Variants in SASH1 observed in about 807,000 individuals in gnomAD.
SASH1 encodes SAM and SH3 domain containing 1.
A neutral mutation model predicts 125.2 loss-of-function variants in SASH1; 44 were observed. That is an observed-to-expected ratio of 0.35 (90% CI 0.28 to 0.45). SASH1 has a LOEUF of 0.45. Ranked by LOEUF, SASH1 falls within the 20% of genes least tolerant of loss-of-function variation. SASH1 has a pLI of 1.00. For missense variants in SASH1, 1,426 were observed against 1,614.5 expected, an observed-to-expected ratio of 0.88 and a Z score of 2.00; for synonymous variants, 639 against 649.1, an observed-to-expected ratio of 0.98 and a Z score of 0.24.
At chr6:148,414,869 C>T (rs1222175282) in intron 2 of SASH1, among the ~76,000 whole-genome samples, 2 of 152,090 alleles carry the variant, frequency 1.3e-5, no homozygotes, top group African/African-American at 4.8e-5. Context: ...GTCTTGAACT[C>T]CTGACCTTAA....
intron 1 of SASH1, among the ~76,000 whole-genome samples, chr6:148,382,085 C>G (rs1296410490): frequency 1.3e-5 from 2 of 152,100 alleles, no homozygotes; most frequent in Non-Finnish European, 2.9e-5. Context: ...ACAAAAGACA[C>G]CTTGTGTGAG....
At chr6:148,211,170 T>TAATA in the SASH1 span, among the ~76,000 whole-genome samples, 8 of 152,232 alleles carry the variant, frequency 5.3e-5, no homozygotes, top group Non-Finnish European at 1.2e-4. Context: ...AACAGTTTAT[T>TAATA]ACCTGTCTGC....
intron 1 of SASH1, among the ~76,000 whole-genome samples, chr6:148,350,135 G>A (rs369327083): frequency 6.6e-6 from 1 of 152,028 alleles, no homozygotes; most frequent in African/African-American, 2.4e-5. Flanking sequence ...GTGAGCCACC[G>A]CGCCCGGCAG....
intron 2 of SASH1, among the ~76,000 whole-genome samples, chr6:148,415,094 T>C (rs1003096591): frequency 1.3e-5 from 2 of 152,234 alleles, no homozygotes; most frequent in African/African-American, 4.8e-5. Flanking sequence ...TATTTTCTTA[T>C]TTTTATGATG....
the SASH1 span, among the ~76,000 whole-genome samples, chr6:148,216,534 G>A: frequency 6.6e-6 from 1 of 152,136 alleles, no homozygotes; most frequent in African/African-American, 2.4e-5. Context: ...CTGGAGTCAG[G>A]ACATGTGGGT....
rs73585694 is a variant in SASH1 at position 148,474,660 on chromosome 6, C to T, written c.627+438C>T. On this transcript the variant is annotated intron_variant, in intron 7 of 19. Transcript: ENST00000367467. ...AATCACAACTCACAGCAGCCTCAAC[C>T]TCCTGGGTCCAAGTAATCCTCCCAT... Among the ~76,000 whole-genome samples, 1,420 of 152,300 alleles carry T rather than the reference C, an allele frequency of 9.3e-3. 17 individuals carry two copies. Among genetic ancestry groups the T allele is most frequent in the African/African-American group, 0.032 (1,348 of 41,560 alleles).
chr6:148,490,344 G>A (rs1396331709), intron 8 of SASH1, among the ~76,000 whole-genome samples: 1 of 151,894 alleles, frequency 6.6e-6, no homozygotes, highest in Non-Finnish European at 1.5e-5. Context: ...GAGTAGTTAG[G>A]ACTCAAGGTG....
rs1455623421 is a variant in SASH1, at chr6:148,322,904, C to CTTTCT, written n.74+50528_74+50529insTTCTT. On this transcript the variant is annotated intron_variant and non_coding_transcript_variant, in intron 1 of 3. Transcript: ENST00000367469. ...CTTTCTTTTTCTTCTTTCTTTCTCT[C>CTTTCT]TCTTTCTTTCTTTTTTCTTTCTCTC... is the stretch of plus-strand genomic sequence containing the variant. Among the ~76,000 whole-genome samples, 667 of 130,548 alleles carry CTTTCT rather than the reference C, an allele frequency of 5.1e-3. 33 individuals carry two copies. Among genetic ancestry groups the CTTTCT allele is most frequent in the Non-Finnish European group, 7.6e-3 (455 of 60,032 alleles). 85.6% of individuals were successfully genotyped at this position (130,548 alleles called of 152,430 possible).
At chr6:148,336,176 C>T (rs1308992588) in intron 1 of SASH1, among the ~76,000 whole-genome samples, 2 of 70,726 alleles carry the variant, frequency 2.8e-5, no homozygotes, top group Admixed American at 1.9e-4. Flanking sequence ...AAACTGCATC[C>T]TTTTTTTTTT....
chr6:148,274,611 T>C (rs1215622824), intron 1 of SASH1, among the ~76,000 whole-genome samples: 2 of 152,214 alleles, frequency 1.3e-5, no homozygotes. Flanking sequence ...CTTAGGAATA[T>C]CGTTCCTGTC....
In SASH1 at chr6:148,550,705, G is replaced by A. The variant is rs142209158; in HGVS notation, c.*2147G>A. ...GCTGCAGGGTTCTTGTATAGCTAAA[G>A]CGTTCAATGCATTTCACGTGCTGTG... On this transcript the variant is annotated 3_prime_UTR_variant, in exon 20 of 20. Coordinates refer to ENST00000367467, the MANE Select transcript of SASH1 (RefSeq NM_015278.5). The A allele has an allele frequency of 6.6e-6, 1 of 152,372 alleles. No individual in the cohort carries two copies. The highest frequency in any genetic ancestry group is 2.4e-5 in the African/African-American group (1 of 41,570). The allele number at this position is 152,372 out of a possible 1,614,324, so 9.4% of individuals were successfully genotyped here. A position where few individuals can be genotyped will look rare whatever the true frequency, so the allele number is the denominator to read the frequency against.
rs539980013 is a variant in SASH1, at chr6:148,506,602, T to C, written c.730-7722T>C. Among the ~76,000 whole-genome samples, 16 of 152,338 alleles carry C rather than the reference T, an allele frequency of 1.1e-4. No individual in the cohort carries two copies. In the South Asian group the frequency reaches 3.3e-3, roughly 32 times the overall value. ...GAAAAGTGCTACTATACCACATTTATGTGCAGGAATATTAAGACCCATAAA... is the reference window on the plus strand; with the variant it reads ...GAAAAGTGCTACTATACCACATTTACGTGCAGGAATATTAAGACCCATAAA... On this transcript the variant is annotated intron_variant, in intron 8 of 19. Transcript: ENST00000367467.
the SASH1 span, among the ~76,000 whole-genome samples, chr6:148,239,614 C>T: frequency 3.9e-5 from 6 of 152,040 alleles, no homozygotes; most frequent in Non-Finnish European, 8.8e-5. Flanking sequence ...AATCACTGTG[C>T]GCGAATCATT....
rs146338206 is a variant in SASH1 at position 148,371,049 on chromosome 6, T to C, written c.157-19085T>C. On this transcript the variant is annotated intron_variant, in intron 1 of 19. Transcript: ENST00000367467. Reference sequence around the variant, plus strand: ...ATTCTCTTGGCGATCTCCTTGAATGTTGCTGTGAGAATACCAGCCTCACAG... The same window carrying C: ...ATTCTCTTGGCGATCTCCTTGAATGCTGCTGTGAGAATACCAGCCTCACAG... Among the ~76,000 whole-genome samples, 516 of 152,298 alleles carry C rather than the reference T, an allele frequency of 3.4e-3. 4 individuals carry two copies. Among genetic ancestry groups the C allele is most frequent in the African/African-American group, 0.012 (497 of 41,564 alleles).
At chr6:148,222,001 A>G in the SASH1 span, among the ~76,000 whole-genome samples, 1 of 152,178 alleles carries the variant, frequency 6.6e-6, no homozygotes, top group Admixed American at 6.6e-5. Context: ...AATAAAACTG[A>G]AAAACATTCC....
intron 1 of SASH1, among the ~76,000 whole-genome samples, chr6:148,287,061 G>A (rs1779499852): frequency 6.6e-6 from 1 of 152,164 alleles, no homozygotes; most frequent in South Asian, 2.1e-4. Flanking sequence ...TGAGGGATGA[G>A]ATGTGAGTGG....
At chr6:148,244,924 G>A in the SASH1 span, among the ~76,000 whole-genome samples, 2 of 139,490 alleles carry the variant, frequency 1.4e-5, no homozygotes, top group Non-Finnish European at 3.1e-5. Flanking sequence ...GTGTGTGTGT[G>A]TGTGTGTATG....
chr6:148,446,284 A>AT (rs1175820480), intron 4 of SASH1, among the ~76,000 whole-genome samples: 1 of 151,224 alleles, frequency 6.6e-6, no homozygotes, highest in African/African-American at 2.4e-5. Flanking sequence ...AATTTTTTGT[A>AT]TTTTTAGTAG....
At chr6:148,379,458 A>G (rs1003594414) in intron 1 of SASH1, among the ~76,000 whole-genome samples, 1 of 152,146 alleles carries the variant, frequency 6.6e-6, no homozygotes, top group African/African-American at 2.4e-5. Context: ...TTGTGAGGTC[A>G]GTAGGGACAA....
Sources: allele counts gnomAD v4.1 joint callset (sites outside exome capture counted in the v4.1 genomes callset), GRCh38; gene constraint gnomAD v4.1.1; transcripts MANE v1.5; gene names NCBI Gene and HGNC (gene_info 2026-07-23, HGNC 2026-07-21).